JAKMIP2: variants seen among roughly 807,000 people sequenced by gnomAD.
JAKMIP2 encodes janus kinase and microtubule interacting protein 2.
A neutral mutation model predicts 115.0 loss-of-function variants in JAKMIP2; 25 were observed. The observed-to-expected ratio is 0.22, with a 90% CI of 0.16 to 0.30. The LOEUF is 0.30. Ranked by LOEUF, JAKMIP2 falls within the 10% of genes least tolerant of loss-of-function variation. JAKMIP2 has a pLI of 1.00. For synonymous variants in JAKMIP2, 334 were observed against 343.6 expected, an observed-to-expected ratio of 0.97 and a Z score of 0.31; for missense variants, 642 against 957.6, an observed-to-expected ratio of 0.67 and a Z score of 4.35.
intron 1 of JAKMIP2, among the ~76,000 whole-genome samples, chr5:147,687,758 T>C (rs567820690): frequency 3.7e-4 from 56 of 152,306 alleles, no homozygotes; most frequent in African/African-American, 1.2e-3. Context: ...AGAATGGAAA[T>C]AAGCTATTTA....
intron 20 of JAKMIP2, among the ~76,000 whole-genome samples, chr5:147,602,295 C>T (rs1173709452): frequency 6.6e-6 from 1 of 152,130 alleles, no homozygotes; most frequent in Non-Finnish European, 1.5e-5. Flanking sequence ...GATTAAGGCA[C>T]AGCTGGGAGA....
chr5:147,715,471 T>C (rs1055387804), intron 1 of JAKMIP2, among the ~76,000 whole-genome samples: 4 of 151,028 alleles, frequency 2.6e-5, no homozygotes, highest in Admixed American at 1.3e-4. Flanking sequence ...TATTACATAT[T>C]CATGTTACTA....
intron 1 of JAKMIP2, among the ~76,000 whole-genome samples, chr5:147,734,181 A>T (rs1753833478): frequency 6.6e-6 from 1 of 152,196 alleles, no homozygotes; most frequent in South Asian, 2.1e-4. Context: ...TCATTAGAGA[A>T]ATGCAAATCA....
chr5:147,676,018 A>G (rs1259542001), intron 1 of JAKMIP2, among the ~76,000 whole-genome samples: 4 of 152,226 alleles, frequency 2.6e-5, no homozygotes, highest in African/African-American at 9.6e-5. Flanking sequence ...ATCACAAGGG[A>G]CATCACTCTT....
At chr5:147,770,044 T>C (rs1173511350) in intron 1 of JAKMIP2, among the ~76,000 whole-genome samples, 1 of 152,156 alleles carries the variant, frequency 6.6e-6, no homozygotes, top group African/African-American at 2.4e-5. Context: ...TTGCACTATT[T>C]TGGCCCTTTA....
chr5:147,695,470 C>G (rs955292231), intron 1 of JAKMIP2, among the ~76,000 whole-genome samples: 2 of 152,100 alleles, frequency 1.3e-5, no homozygotes, highest in African/African-American at 4.8e-5. Context: ...CTCGAGAGAG[C>G]CAGATGAATA....
Position 147,586,022 on chromosome 5 carries a change from G to C in JAKMIP2, c.*5685C>G, listed in dbSNP as rs940759074. On this transcript the variant is annotated 3_prime_UTR_variant, in exon 22 of 22. Coordinates refer to ENST00000616793, the MANE Select transcript of JAKMIP2 (RefSeq NM_001270941.2). Reference sequence around the variant, plus strand: ...ACAAATAAAAAAAACCTATTTGCTGGTTTATGGGCCTGGATAATTGAAAAA... The same window carrying C: ...ACAAATAAAAAAAACCTATTTGCTGCTTTATGGGCCTGGATAATTGAAAAA... The C allele has an allele frequency of 6.6e-6, 1 of 151,866 alleles. No homozygotes were observed. Among genetic ancestry groups the C allele is most frequent in the Non-Finnish European group, 1.5e-5 (1 of 67,968 alleles). 9.4% of individuals were successfully genotyped at this position (151,866 alleles called of 1,614,324 possible).
In JAKMIP2 at chr5:147,589,744, G is replaced by A. The variant is rs1358977152; in HGVS notation, c.*1963C>T. 6.6e-6 allele frequency: 1 copy of A among 152,112 alleles called. No individual in the cohort carries two copies. Among genetic ancestry groups the A allele is most frequent in the African/African-American group, 2.4e-5 (1 of 41,426 alleles). 9.4% of individuals were successfully genotyped at this position (152,112 alleles called of 1,614,324 possible). A position where few individuals can be genotyped will look rare whatever the true frequency, so the allele number is the denominator to read the frequency against. ...TTCCTATAGATTATTAAAGATCCTG[G>A]TTTTGAATCTCTCAATTTTTATTGC... On this transcript the variant is annotated 3_prime_UTR_variant, in exon 22 of 22. Transcript: ENST00000616793.
At chr5:147,673,740 T>C (rs765182438) in intron 1 of JAKMIP2, among the ~76,000 whole-genome samples, 8 of 152,150 alleles carry the variant, frequency 5.3e-5, no homozygotes, top group Non-Finnish European at 7.4e-5. Flanking sequence ...ATATTGAACA[T>C]TTGTGTGACC....
chr5:147,718,242 G>A (rs992864380), intron 1 of JAKMIP2, among the ~76,000 whole-genome samples: 13 of 151,282 alleles, frequency 8.6e-5, no homozygotes, highest in Non-Finnish European at 1.6e-4. Flanking sequence ...TGCTGGATTC[G>A]GTTTGTCAGT....
intron 1 of JAKMIP2, among the ~76,000 whole-genome samples, chr5:147,721,270 T>C (rs1388559554): frequency 4.6e-5 from 7 of 151,974 alleles, no homozygotes; most frequent in Non-Finnish European, 5.9e-5. Context: ...GACAGGGACA[T>C]TTAAGTCTGC....
chr5:147,654,019 G>T (rs1178266500), intron 3 of JAKMIP2, among the ~76,000 whole-genome samples: 1 of 152,150 alleles, frequency 6.6e-6, no homozygotes, highest in Non-Finnish European at 1.5e-5. Flanking sequence ...TCAGGTGGTT[G>T]TAGATGTGTG....
At position 147,596,126 on chromosome 5, in the gene JAKMIP2, G is replaced by A. The variant is rs149062284; in HGVS notation, c.*21-4440C>T. Among the ~76,000 whole-genome samples the A allele has an allele frequency of 4.8e-3, 737 of 152,290 alleles. 4 individuals are homozygous for A. Among genetic ancestry groups the A allele is most frequent in the Non-Finnish European group, 6.8e-3 (466 of 68,038 alleles). ...TCATTAAGGGAAACTGGAGCAACAGGAAGCCTGAGAGATTGCCCGTGTGGT... is the reference window on the plus strand; with the variant it reads ...TCATTAAGGGAAACTGGAGCAACAGAAAGCCTGAGAGATTGCCCGTGTGGT... On this transcript the variant is annotated intron_variant, in intron 21 of 21. Coordinates refer to ENST00000616793, the MANE Select transcript of JAKMIP2 (RefSeq NM_001270941.2).
intron 3 of JAKMIP2, among the ~76,000 whole-genome samples, chr5:147,657,164 C>G (rs750259106): frequency 1.3e-5 from 2 of 152,226 alleles, no homozygotes; most frequent in African/African-American, 4.8e-5. Context: ...CCTGTAGTCC[C>G]GGCTATTCGG....
rs958631826 is a variant in JAKMIP2 at position 147,742,863 on chromosome 5, G to T, written c.-149+39593C>A. Among the ~76,000 whole-genome samples the T allele has an allele frequency of 4.1e-5, 6 of 147,816 alleles. No homozygotes were observed. The South Asian group carries it at 1.3e-3, about 32-fold the overall frequency. On this transcript the variant is annotated intron_variant, in intron 1 of 21. Coordinates refer to ENST00000616793, the MANE Select transcript of JAKMIP2 (RefSeq NM_001270941.2). Reference sequence around the variant, plus strand: ...AAATTACTGAAATGTAAGTACTAATGACTTAAAAAAAAAGTCTAGCACAAT... The same window carrying T: ...AAATTACTGAAATGTAAGTACTAATTACTTAAAAAAAAAGTCTAGCACAAT...
intron 12 of JAKMIP2, among the ~76,000 whole-genome samples, chr5:147,633,299 A>G (rs746566013): frequency 6.6e-6 from 1 of 152,154 alleles, no homozygotes; most frequent in Non-Finnish European, 1.5e-5. Context: ...AAATATTATC[A>G]CTGTCATCTC....
intron 1 of JAKMIP2, among the ~76,000 whole-genome samples, chr5:147,725,712 A>G (rs1348459639): frequency 6.6e-6 from 1 of 152,090 alleles, no homozygotes; most frequent in Admixed American, 6.5e-5. Context: ...TCCAGCCCCA[A>G]CTTAGGAAGG....
At chr5:147,714,822 C>T (rs1241535467) in intron 1 of JAKMIP2, among the ~76,000 whole-genome samples, 4 of 152,062 alleles carry the variant, frequency 2.6e-5, no homozygotes, top group African/African-American at 9.7e-5. Context: ...TCCATACCCA[C>T]TGAAAATGTC....
intron 13 of JAKMIP2, 77 bp from the exon 14 acceptor site, chr5:147,631,588 T>C: frequency 1.1e-6 from 1 of 904,788 alleles, no homozygotes; most frequent in Non-Finnish European, 1.7e-6. Flanking sequence ...GGTCTCTTTA[T>C]GCTATTTCAG....
Sources: allele counts gnomAD v4.1 joint callset (sites outside exome capture counted in the v4.1 genomes callset), GRCh38; gene constraint gnomAD v4.1.1; transcripts MANE v1.5; gene names NCBI Gene and HGNC (gene_info 2026-07-23, HGNC 2026-07-21).